NRXN3: variants seen among roughly 807,000 people sequenced by gnomAD.
The protein encoded by NRXN3 is neurexin 3, also known as neurexin III.
In NRXN3, 32 loss-of-function variants were observed where a neutral mutation model predicts 137.6. That is an observed-to-expected ratio of 0.23 (90% confidence interval 0.18 to 0.31). The LOEUF (loss-of-function observed/expected upper bound fraction) is 0.31, where lower values mean the gene tolerates loss of function less well. NRXN3 is among the 10% of genes least tolerant of loss of function. NRXN3 has a pLI of 1.00. For synonymous variants in NRXN3, 798 were observed against 784.5 expected (o/e 1.02, Z -0.29); for missense variants, 1,574 against 2,062.5 (o/e 0.76, Z 4.59).
At chr14:79,123,015 A>G (rs2055716318) in intron 15 of NRXN3, among the ~76,000 whole-genome samples, 2 of 152,196 alleles carry the variant, frequency 1.3e-5, no homozygotes, top group Admixed American at 1.3e-4. Context: ...TAACTTCAGA[A>G]TTAAGAGAGT....
intron 4 of NRXN3, among the ~76,000 whole-genome samples, chr14:78,390,670 T>C (rs2090628062): frequency 6.6e-6 from 1 of 152,206 alleles, no homozygotes; most frequent in African/African-American, 2.4e-5. Flanking sequence ...TCCTAAGCAT[T>C]TTTGTAGGGG....
At chr14:79,049,096 T>G (rs2099638135) in intron 15 of NRXN3, among the ~76,000 whole-genome samples, 1 of 81,352 alleles carries the variant, frequency 1.2e-5, no homozygotes, top group Non-Finnish European at 2.5e-5. Context: ...ATAATAATAA[T>G]ATGATGGGGT....
intron 15 of NRXN3, among the ~76,000 whole-genome samples, chr14:79,271,463 C>T: frequency 7.6e-6 from 1 of 131,932 alleles, no homozygotes; most frequent in Non-Finnish European, 1.6e-5. Context: ...CCCTTCCCTC[C>T]CCTCCCACCC....
chr14:78,721,408 C>T (rs1427568247), intron 8 of NRXN3, among the ~76,000 whole-genome samples: 5 of 152,070 alleles, frequency 3.3e-5, no homozygotes, highest in South Asian at 2.1e-4. Flanking sequence ...TTGGGTTTCA[C>T]GCTCTCTCAG....
intron 15 of NRXN3, among the ~76,000 whole-genome samples, chr14:79,176,595 T>C (rs1035242931): frequency 6.6e-6 from 1 of 152,226 alleles, no homozygotes; most frequent in African/African-American, 2.4e-5. Flanking sequence ...TTCCTGAATA[T>C]GCTGTGCTCG....
intron 15 of NRXN3, among the ~76,000 whole-genome samples, chr14:79,063,345 A>G (rs2099676600): frequency 6.6e-6 from 1 of 152,080 alleles, no homozygotes; most frequent in South Asian, 2.1e-4. Context: ...GTCCAATGGC[A>G]TGATCTTGGC....
At chr14:79,128,667 G>A (rs2056963377) in intron 15 of NRXN3, among the ~76,000 whole-genome samples, 1 of 152,146 alleles carries the variant, frequency 6.6e-6, no homozygotes, top group South Asian at 2.1e-4. Flanking sequence ...GCTGGGCTTT[G>A]GTATCAGGAT....
chr14:79,227,903 GTCAGGCCC>G (rs1282484288), intron 15 of NRXN3, among the ~76,000 whole-genome samples: 4 of 144,604 alleles, frequency 2.8e-5, no homozygotes, highest in Non-Finnish European at 6.0e-5. Flanking sequence ...CAAATGGTAA[GTCAGGCCC>G]TGACCTCACA....
chr14:79,639,882 C>G (rs1440103728), intron 16 of NRXN3, among the ~76,000 whole-genome samples: 1 of 152,074 alleles, frequency 6.6e-6, no homozygotes, highest in African/African-American at 2.4e-5. Flanking sequence ...CCCTCCTCCC[C>G]ACCCCCACCA....
At chr14:79,632,865 C>T (rs2153941437) in intron 16 of NRXN3, among the ~76,000 whole-genome samples, 1 of 152,228 alleles carries the variant, frequency 6.6e-6, no homozygotes, top group South Asian at 2.1e-4. Context: ...GTTTCCAAAG[C>T]CACAGGTTTA....
At chr14:78,697,129 C>T (rs911912719) in intron 6 of NRXN3, among the ~76,000 whole-genome samples, 2 of 152,018 alleles carry the variant, frequency 1.3e-5, no homozygotes, top group African/African-American at 4.8e-5. Context: ...TTTATTTAAT[C>T]TCAGAATACA....
chr14:79,099,704 CCT>C (rs2050933234), intron 15 of NRXN3, among the ~76,000 whole-genome samples: 1 of 152,084 alleles, frequency 6.6e-6, no homozygotes, highest in African/African-American at 2.4e-5. Flanking sequence ...AGTGCAAAAA[CCT>C]CTCAGATCTT....
At chr14:79,569,302 CA>C (rs1432549485) in intron 16 of NRXN3, among the ~76,000 whole-genome samples, 1 of 152,008 alleles carries the variant, frequency 6.6e-6, no homozygotes, top group Non-Finnish European at 1.5e-5. Flanking sequence ...TAGGAGAGAA[CA>C]AAAACACATC....
At position 79,805,686 on chromosome 14, in the gene NRXN3, A is replaced by G. The variant is rs1244597320; in HGVS notation, c.4093+496A>G. 2.6e-5 allele frequency among the ~76,000 whole-genome samples: 4 copies of G among 152,120 alleles called. 1 individual carries two copies. The highest frequency in any genetic ancestry group is 5.9e-5 in the Non-Finnish European group (4 of 68,018). On this transcript the variant is annotated intron_variant, in intron 20 of 20. Transcript: ENST00000335750. The stretch of plus-strand genomic sequence containing the variant: ...AGCTAAGAGAACCAAAAATATATGT[A>G]TATATATATTTTCCATGGGATTTCA...
intron 15 of NRXN3, among the ~76,000 whole-genome samples, chr14:79,363,773 A>T (rs2093774971): frequency 6.6e-6 from 1 of 152,186 alleles, no homozygotes; most frequent in South Asian, 2.1e-4. Flanking sequence ...TGTGCTTTTC[A>T]ATTGCTTTAG....
intron 15 of NRXN3, among the ~76,000 whole-genome samples, chr14:79,018,121 A>G (rs1419688426): frequency 6.6e-6 from 1 of 151,700 alleles, no homozygotes; most frequent in East Asian, 1.9e-4. Context: ...TTAGCTGTGC[A>G]TGGTGGTAGG....
chr14:79,246,131 A>G (rs1027040979), intron 15 of NRXN3, among the ~76,000 whole-genome samples: 41 of 152,182 alleles, frequency 2.7e-4, no homozygotes, highest in African/African-American at 9.9e-4. Flanking sequence ...GTTGGAATTG[A>G]CACTGTAAGG....
At position 79,467,400 on chromosome 14, in the gene NRXN3, A is replaced by C. The variant is rs780164221; in HGVS notation, c.3442A>C (p.Ile1148Leu). The C allele has an allele frequency of 1.2e-6, 2 of 1,603,780 alleles. No individual in the cohort carries two copies. The highest frequency in any genetic ancestry group is 3.3e-5 in the Admixed American group (2 of 59,766). Residue 1148 changes from isoleucine to leucine, a missense_variant and splice_region_variant, in exon 16 of 21, where the codon ATA (isoleucine) becomes CTA (leucine). Ile to Leu is a conservative substitution (Grantham distance 5). Transcript: ENST00000335750. ...ACTTGGTGACTTCCTCCAGCTTCAC[A>C]TAGTGAGTACAGGGCCTTGGCCTGG... ...PGLGDFLQLH[I>L]EQGKIGVVFN...
At position 79,520,859 on chromosome 14, in the gene NRXN3, C is replaced by T. The variant is rs550520273; in HGVS notation, c.3444+53457C>T. Among the ~76,000 whole-genome samples the T allele has an allele frequency of 5.9e-5, 9 of 152,178 alleles. No individual in the cohort carries two copies. The South Asian group carries it at 1.0e-3, about 18-fold the overall frequency. ...TCAACCATTGTGGAAAACAGTGTGGCGATTCCTCAAGGATCTAGAACAAGA... is the reference window on the plus strand; with the variant it reads ...TCAACCATTGTGGAAAACAGTGTGGTGATTCCTCAAGGATCTAGAACAAGA... On this transcript the variant is annotated intron_variant, in intron 16 of 20. Transcript: ENST00000335750.
Sources: allele counts gnomAD v4.1 joint callset (sites outside exome capture counted in the v4.1 genomes callset), GRCh38; gene constraint gnomAD v4.1.1; transcripts MANE v1.5; gene names NCBI Gene and HGNC (gene_info 2026-07-23, HGNC 2026-07-21).